The following SMARCA2 variants were observed in gnomAD, a reference collection of about 807,000 sequenced individuals.
SMARCA2 encodes the protein SWI/SNF related BAF chromatin remodeling complex subunit ATPase 2, also known as SWI/SNF-related matrix-associated actin-dependent regulator of chromatin subfamily A member 2.
In SMARCA2, 61 loss-of-function variants were observed where a neutral mutation model predicts 199.8. The ratio of observed to expected loss-of-function variants is 0.31; its 90% CI spans 0.25 to 0.38. SMARCA2 has a LOEUF of 0.38. SMARCA2 is among the 10% of genes least tolerant of loss of function. The pLI is 1.00. For missense variants in SMARCA2, 1,344 were observed against 2,012.2 expected, an observed-to-expected ratio of 0.67 and a Z score of 6.35; for synonymous variants, 935 against 732.0, an observed-to-expected ratio of 1.28 and a Z score of -4.48.
rs1053443440 is a variant in SMARCA2 at position 2,118,593 on chromosome 9, C to T, written c.3685-865C>T. 2.0e-5 allele frequency among the ~76,000 whole-genome samples: 3 copies of T among 152,188 alleles called. No homozygotes were observed. In the South Asian group the frequency reaches 6.2e-4, roughly 31 times the overall value. ...CCGTTTGATTTCTAACAAGCCCACT[C>T]AGCATATGATAAAAATAATTTGGGA... On this transcript the variant is annotated intron_variant, in intron 25 of 33. Transcript: ENST00000349721.
intron 19 of SMARCA2, among the ~76,000 whole-genome samples, chr9:2,089,293 C>T (rs1821942286): frequency 6.6e-6 from 1 of 152,136 alleles, no homozygotes; most frequent in African/African-American, 2.4e-5. Context: ...TAATATGTTT[C>T]TGATCATATT....
At chr9:2,181,070 A>C (rs1429162122) in intron 29 of SMARCA2, among the ~76,000 whole-genome samples, 1 of 152,178 alleles carries the variant, frequency 6.6e-6, no homozygotes, top group African/African-American at 2.4e-5. Context: ...GTACGTACGA[A>C]GGCTTTTCAC....
intron 27 of SMARCA2, among the ~76,000 whole-genome samples, chr9:2,134,387 G>T (rs548792366): frequency 6.6e-6 from 1 of 151,944 alleles, no homozygotes; most frequent in African/African-American, 2.4e-5. Context: ...AAACTCGCTC[G>T]GCCATTAACT....
chr9:2,051,730 C>T (rs957419318), intron 5 of SMARCA2, among the ~76,000 whole-genome samples: 3 of 152,178 alleles, frequency 2.0e-5, no homozygotes, highest in Non-Finnish European at 4.4e-5. Flanking sequence ...TGCGGAATAA[C>T]CAAATCATTG....
chr9:2,156,285 G>T (rs10965011), intron 27 of SMARCA2, among the ~76,000 whole-genome samples: 71,972 of 151,922 alleles, frequency 0.47, 19,249 homozygotes, highest in Non-Finnish European at 0.6. Context: ...GAGGTGGTAA[G>T]AACATGTATG....
At chr9:2,050,436 A>C (rs1337510029) in intron 5 of SMARCA2, among the ~76,000 whole-genome samples, 1 of 152,104 alleles carries the variant, frequency 6.6e-6, no homozygotes, top group Non-Finnish European at 1.5e-5. Flanking sequence ...CTCAGGAATC[A>C]TCACATTGGC....
At chr9:2,186,309 A>G in intron 32 of SMARCA2, 81 bp downstream of exon 32, 1 of 1,418,308 alleles carries the variant, frequency 7.1e-7, no homozygotes, top group Non-Finnish European at 9.5e-7. Flanking sequence ...CACAGAAGAG[A>G]CTTTAGAGTG....
rs1174046152 is a variant in SMARCA2, at chr9:2,047,217, C to T, written c.791-12C>T. 4 of 1,011,308 alleles carry T rather than the reference C, an allele frequency of 4.0e-6. No homozygotes were observed. The highest frequency in any genetic ancestry group is 4.7e-6 in the Non-Finnish European group (4 of 847,342). The allele number at this position is 1,011,308 out of a possible 1,614,324, so 62.6% of individuals were successfully genotyped here. ...TCCCGCCCGAGCTGCCCATGTCGCT[C>T]TTGTCCCGCAGGCCCGGGGCCGGAG... On this transcript the variant is annotated splice_polypyrimidine_tract_variant and intron_variant, in intron 4 of 33. Transcript: ENST00000349721.
intron 5 of SMARCA2, among the ~76,000 whole-genome samples, chr9:2,053,867 A>C (rs184602587): frequency 1.9e-3 from 297 of 152,370 alleles, no homozygotes; most frequent in African/African-American, 7.0e-3. Context: ...TTTATTATGA[A>C]GAAGTACATG....
intron 18 of SMARCA2, among the ~76,000 whole-genome samples, chr9:2,088,232 A>T (rs1821887246): frequency 6.6e-6 from 1 of 152,164 alleles, no homozygotes; most frequent in Admixed American, 6.5e-5. Flanking sequence ...GAGGCTGTTG[A>T]CACTACTGAT....
chr9:2,066,922 G>C (rs1306592112), intron 9 of SMARCA2, among the ~76,000 whole-genome samples: 1 of 152,172 alleles, frequency 6.6e-6, no homozygotes. Flanking sequence ...CCAAGAAAAA[G>C]GGACAGTTGT....
chr9:2,040,596 G>T (rs1404161435), intron 4 of SMARCA2: 1 of 152,398 alleles, frequency 6.6e-6, no homozygotes, highest in Non-Finnish European at 1.5e-5. Flanking sequence ...TTTCTAGCAT[G>T]AGAGTATAGA....
intron 9 of SMARCA2, among the ~76,000 whole-genome samples, chr9:2,067,325 C>G (rs146112843): frequency 3.3e-5 from 5 of 152,200 alleles, no homozygotes; most frequent in African/African-American, 1.2e-4. Flanking sequence ...ATTTATTTAG[C>G]GCCTTTTAAG....
chr9:2,065,045 C>T (rs11999634), intron 9 of SMARCA2, among the ~76,000 whole-genome samples: 9,296 of 152,154 alleles, frequency 0.061, 308 homozygotes, highest in Middle Eastern at 0.089. Context: ...ATTAGCCGGG[C>T]GTGGTGGCAG....
chr9:2,140,649 A>G (rs531353251), intron 27 of SMARCA2, among the ~76,000 whole-genome samples: 1 of 152,368 alleles, frequency 6.6e-6, no homozygotes, highest in East Asian at 1.9e-4. Context: ...GAAGAAAGAA[A>G]CTAGAATCAC....
At chr9:2,089,629 G>A (rs1821964182) in intron 19 of SMARCA2, among the ~76,000 whole-genome samples, 1 of 152,190 alleles carries the variant, frequency 6.6e-6, no homozygotes, top group Admixed American at 6.5e-5. Flanking sequence ...GCATATCTCA[G>A]TGAAAGTCTA....
At chr9:2,127,893 A>G (rs557263326) in intron 27 of SMARCA2, among the ~76,000 whole-genome samples, 1 of 152,248 alleles carries the variant, frequency 6.6e-6, no homozygotes, top group African/African-American at 2.4e-5. Flanking sequence ...TAGTTGGTGG[A>G]ATTTAGAATT....
chr9:2,019,788 A>C (rs2130123743), intron 1 of SMARCA2, among the ~76,000 whole-genome samples: 1 of 151,984 alleles, frequency 6.6e-6, no homozygotes, highest in African/African-American at 2.4e-5. Context: ...TAAATTATAA[A>C]AGTGGTGCTG....
intron 9 of SMARCA2, among the ~76,000 whole-genome samples, chr9:2,068,106 A>C (rs1260512806): frequency 6.6e-6 from 1 of 152,192 alleles, no homozygotes; most frequent in Non-Finnish European, 1.5e-5. Context: ...CCATTAATTA[A>C]AACAGTCCCC....
Sources: allele counts gnomAD v4.1 joint callset (sites outside exome capture counted in the v4.1 genomes callset), GRCh38; gene constraint gnomAD v4.1.1; transcripts MANE v1.5; gene names NCBI Gene and HGNC (gene_info 2026-07-23, HGNC 2026-07-21).